The following TMEM132D variants were observed in gnomAD, a reference collection of about 807,000 sequenced individuals.
TMEM132D encodes the protein transmembrane protein 132D.
A neutral mutation model predicts 62.3 loss-of-function variants in TMEM132D; 21 were observed. The observed-to-expected ratio is 0.34, with a 90% CI of 0.24 to 0.49. The LOEUF is 0.49. Among genes scored for constraint, TMEM132D ranks in the 20% least tolerant of loss-of-function variants. The pLI, the probability that TMEM132D is intolerant of heterozygous loss-of-function variation, is 0.99. For missense variants in TMEM132D, 1,346 were observed against 1,402.8 expected, an observed-to-expected ratio of 0.96 and a Z score of 0.65; for synonymous variants, 621 against 575.6, an observed-to-expected ratio of 1.08 and a Z score of -1.13.
intron 3 of TMEM132D, among the ~76,000 whole-genome samples, chr12:129,392,066 C>CT (rs202148487): frequency 0.011 from 1,568 of 149,236 alleles, 32 homozygotes; most frequent in African/African-American, 0.035. Flanking sequence ...CTCAGTATTT[C>CT]TTTTTTTTGA....
intron 3 of TMEM132D, among the ~76,000 whole-genome samples, chr12:129,362,844 T>C (rs574906997): frequency 6.6e-6 from 1 of 152,288 alleles, no homozygotes; most frequent in Non-Finnish European, 1.5e-5. Flanking sequence ...TTTCTGAATA[T>C]CTAAATCTCT....
At chr12:129,880,786 T>C (rs866632591) in intron 1 of TMEM132D, among the ~76,000 whole-genome samples, 11 of 150,192 alleles carry the variant, frequency 7.3e-5, no homozygotes, top group African/African-American at 2.5e-4. Flanking sequence ...CTAAGAAGCA[T>C]GCAGAGAAAA....
intron 2 of TMEM132D, among the ~76,000 whole-genome samples, chr12:129,568,793 C>G (rs554987543): frequency 6.6e-6 from 1 of 152,238 alleles, no homozygotes; most frequent in South Asian, 2.1e-4. Context: ...TTGGTTGGTT[C>G]AGCATAAAGG....
chr12:129,323,896 A>G (rs1868807133), intron 4 of TMEM132D, among the ~76,000 whole-genome samples: 1 of 135,486 alleles, frequency 7.4e-6, no homozygotes, highest in African/African-American at 2.7e-5. Flanking sequence ...CACATTTTCT[A>G]TAGGAAGTAG....
chr12:129,554,093 A>C (rs1876980832), intron 2 of TMEM132D, among the ~76,000 whole-genome samples: 1 of 151,342 alleles, frequency 6.6e-6, no homozygotes, highest in South Asian at 2.1e-4. Context: ...TCTTCTCCAT[A>C]CTCCCCCCTG....
rs994956225 is a variant in TMEM132D, at chr12:129,700,671, C to T, written c.107G>A (p.Ser36Asn). Residue 36 changes from serine to asparagine, a missense_variant, in exon 2 of 9, where the codon AGC becomes AAC. Coordinates refer to ENST00000422113, the MANE Select transcript of TMEM132D (RefSeq NM_133448.3). Reference protein sequence around the residue: ...KVTEGRGILESIQRFSLLPTY... With the variant: ...KVTEGRGILENIQRFSLLPTY... ...GGGCAGCAAGGAAAACCTCTGGATG[C>T]TCTCAAGGATCCCTCGACCTTCCGT... The T allele has an allele frequency of 3.1e-6, 5 of 1,612,804 alleles. No individual in the cohort carries two copies. In the African/African-American group the frequency reaches 5.3e-5, roughly 17 times the overall value.
At chr12:129,860,134 C>T (rs1478553380) in intron 1 of TMEM132D, among the ~76,000 whole-genome samples, 4 of 152,120 alleles carry the variant, frequency 2.6e-5, no homozygotes, top group Non-Finnish European at 4.4e-5. Flanking sequence ...AGACAGGACA[C>T]GCACACCCTA....
intron 4 of TMEM132D, among the ~76,000 whole-genome samples, chr12:129,332,848 C>A (rs1053232710): frequency 6.6e-6 from 1 of 151,974 alleles, no homozygotes; most frequent in Non-Finnish European, 1.5e-5. Context: ...ATGTGGTTAC[C>A]GGTGTCTGGG....
rs561816552 is a variant in TMEM132D, at chr12:129,735,746, A to G, written c.80-35048T>C. 2.6e-5 allele frequency among the ~76,000 whole-genome samples: 4 copies of G among 152,346 alleles called. No individual in the cohort carries two copies. The East Asian group carries it at 7.7e-4, about 29-fold the overall frequency. On this transcript the variant is annotated intron_variant, in intron 1 of 8. Transcript: ENST00000422113. ...CTAATGGATGGTCAGAATAACAGTA[A>G]TCTTTGAAAACAAGGGGTGGTTACT...
intron 4 of TMEM132D, among the ~76,000 whole-genome samples, chr12:129,320,796 G>A (rs1212430901): frequency 6.6e-6 from 1 of 152,168 alleles, no homozygotes; most frequent in Non-Finnish European, 1.5e-5. Context: ...GTGGATACAG[G>A]AAGAAAGGGA....
At chr12:129,850,538 A>AG (rs1873506411) in intron 1 of TMEM132D, among the ~76,000 whole-genome samples, 1 of 152,150 alleles carries the variant, frequency 6.6e-6, no homozygotes, top group Non-Finnish European at 1.5e-5. Context: ...AGGGTGGGTG[A>AG]GGGTTGGTTC....
At position 129,584,308 on chromosome 12, in the gene TMEM132D, A is replaced by C. The variant is rs537837170; in HGVS notation, c.969-53103T>G. On this transcript the variant is annotated intron_variant, in intron 2 of 8. Transcript: ENST00000422113. ...ATAGATTTCTCTTATTTTCAGTACT[A>C]ATGTTTTTACCTAATAGCAAACCCT... 4.9e-4 allele frequency among the ~76,000 whole-genome samples: 75 copies of C among 152,328 alleles called. 1 individual carries two copies. The highest frequency in any genetic ancestry group is 1.8e-3 in the African/African-American group (74 of 41,572).
chr12:129,498,626 G>C (rs915060863), intron 3 of TMEM132D, among the ~76,000 whole-genome samples: 1 of 152,146 alleles, frequency 6.6e-6, no homozygotes, highest in Non-Finnish European at 1.5e-5. Context: ...TGGTTAACTT[G>C]GTCAGAACGC....
chr12:129,730,434 T>C (rs1869193672), intron 1 of TMEM132D, among the ~76,000 whole-genome samples: 1 of 152,184 alleles, frequency 6.6e-6, no homozygotes. Context: ...AAGAGCTTTA[T>C]ATAAACCTTC....
intron 5 of TMEM132D, among the ~76,000 whole-genome samples, chr12:129,188,164 T>C (rs1878272390): frequency 6.6e-6 from 1 of 152,154 alleles, no homozygotes; most frequent in Admixed American, 6.5e-5. Flanking sequence ...GGAGACAAAT[T>C]TTGGCCAACA....
chr12:129,231,528 G>A (rs1319752846), intron 4 of TMEM132D, among the ~76,000 whole-genome samples: 1 of 152,154 alleles, frequency 6.6e-6, no homozygotes, highest in East Asian at 1.9e-4. Context: ...ATAACCAATT[G>A]TTCTTTTATT....
chr12:129,201,374 C>T (rs528805351), intron 5 of TMEM132D, among the ~76,000 whole-genome samples: 238 of 152,296 alleles, frequency 1.6e-3, no homozygotes, highest in Non-Finnish European at 2.3e-3. Context: ...CTATCCCACT[C>T]CTAAGTGGCT....
At chr12:129,578,769 C>T (rs265638) in intron 2 of TMEM132D, among the ~76,000 whole-genome samples, 123,163 of 151,962 alleles carry the variant, frequency 0.81, 50,166 homozygotes, top group East Asian at 0.99. Context: ...CGACTGATGT[C>T]CCACTTAAGC....
chr12:129,739,449 T>C (rs1869531033), intron 1 of TMEM132D, among the ~76,000 whole-genome samples: 3 of 152,158 alleles, frequency 2.0e-5, no homozygotes, highest in African/African-American at 7.2e-5. Flanking sequence ...AACAGATGGA[T>C]GCACGCTGGC....
Sources: gnomAD v4.1 joint callset for allele counts (sites outside exome capture counted in the v4.1 genomes callset) on GRCh38, gnomAD v4.1.1 for gene constraint, MANE v1.5 for transcripts, NCBI Gene and HGNC (gene_info 2026-07-23, HGNC 2026-07-21) for gene names.